MSRA: variants seen among roughly 807,000 people sequenced by gnomAD.
MSRA encodes mitochondrial peptide methionine sulfoxide reductase.
A neutral mutation model predicts 31.3 loss-of-function variants in MSRA; 54 were observed. That is an observed-to-expected ratio of 1.73 (90% CI 1.39 to 2.17). MSRA has a LOEUF of 2.17. Among genes scored for constraint, MSRA ranks in the 30% most tolerant of loss-of-function variants. The pLI, the probability that MSRA is intolerant of heterozygous loss-of-function variation, is 0.00. For missense variants in MSRA, 507 were observed against 300.9 expected (o/e 1.69, Z -5.07); for synonymous variants, 169 against 116.5 (o/e 1.45, Z -2.90).
At chr8:10,174,000 C>T (rs191613867) in intron 1 of MSRA, among the ~76,000 whole-genome samples, 2 of 152,184 alleles carry the variant, frequency 1.3e-5, no homozygotes, top group Non-Finnish European at 1.5e-5. Context: ...TAAGACAAGA[C>T]AAGATGTGAG....
At chr8:10,078,739 A>G (rs992705234) in intron 1 of MSRA, among the ~76,000 whole-genome samples, 2 of 152,244 alleles carry the variant, frequency 1.3e-5, no homozygotes. Context: ...CCATGGCTTC[A>G]GTCTTCAGCG....
At chr8:10,087,323 C>T (rs1798611441) in intron 1 of MSRA, among the ~76,000 whole-genome samples, 1 of 139,424 alleles carries the variant, frequency 7.2e-6, no homozygotes, top group Non-Finnish European at 1.5e-5. Flanking sequence ...ACAGCTCATG[C>T]ATGGCTTGTG....
chr8:10,171,757 T>G (rs1003901427), intron 1 of MSRA, among the ~76,000 whole-genome samples: 4 of 152,240 alleles, frequency 2.6e-5, no homozygotes, highest in African/African-American at 9.6e-5. Context: ...GCAGTTTGTT[T>G]AGGTGGTAGT....
At chr8:10,375,598 C>G (rs1805714311) in intron 5 of MSRA, among the ~76,000 whole-genome samples, 1 of 152,164 alleles carries the variant, frequency 6.6e-6, no homozygotes, top group Non-Finnish European at 1.5e-5. Flanking sequence ...GAGGGAGATG[C>G]TCGCTAAGCA....
At chr8:10,324,429 T>C (rs754422542) in intron 5 of MSRA, among the ~76,000 whole-genome samples, 1 of 152,068 alleles carries the variant, frequency 6.6e-6, no homozygotes, top group Non-Finnish European at 1.5e-5. Flanking sequence ...GGGACGGCCA[T>C]GGAACATGGG....
chr8:10,351,245 CT>C (rs71203317), intron 5 of MSRA, among the ~76,000 whole-genome samples: 1,108 of 56,724 alleles, frequency 0.02, 5 homozygotes, highest in African/African-American at 0.048. Context: ...CTGAAGGAGA[CT>C]TTTTTTTTTT....
chr8:10,354,353 A>C (rs960241471), intron 5 of MSRA, among the ~76,000 whole-genome samples: 6 of 152,242 alleles, frequency 3.9e-5, no homozygotes, highest in African/African-American at 1.4e-4. Flanking sequence ...CACCCTGAAC[A>C]CACAAATGCG....
chr8:10,340,452 A>G (rs1803354438), intron 5 of MSRA, among the ~76,000 whole-genome samples: 1 of 152,214 alleles, frequency 6.6e-6, no homozygotes, highest in South Asian at 2.1e-4. Flanking sequence ...GGCTCACTGC[A>G]ACCTTCGCCT....
At chr8:10,318,130 C>T (rs1034982872) in intron 4 of MSRA, among the ~76,000 whole-genome samples, 5 of 152,216 alleles carry the variant, frequency 3.3e-5, no homozygotes, top group Admixed American at 6.5e-5. Context: ...TTTGCTGTAA[C>T]TTCTCATGCA....
At chr8:10,331,144 T>G (rs188135559) in intron 5 of MSRA, among the ~76,000 whole-genome samples, 107 of 152,350 alleles carry the variant, frequency 7.0e-4, no homozygotes, top group African/African-American at 2.5e-3. Context: ...AACCTTGATC[T>G]TGGACTTCTC....
At chr8:10,364,321 A>C (rs1237989931) in intron 5 of MSRA, among the ~76,000 whole-genome samples, 1 of 152,176 alleles carries the variant, frequency 6.6e-6, no homozygotes, top group Non-Finnish European at 1.5e-5. Context: ...TCATCAACAC[A>C]GGCTCCTGGG....
At chr8:10,172,173 C>T (rs1805650214) in intron 1 of MSRA, among the ~76,000 whole-genome samples, 1 of 152,122 alleles carries the variant, frequency 6.6e-6, no homozygotes, top group Non-Finnish European at 1.5e-5. Flanking sequence ...AAGGGAGTGA[C>T]GGACAAAGGC....
chr8:10,330,817 G>C (rs1802651573), intron 5 of MSRA, among the ~76,000 whole-genome samples: 2 of 152,192 alleles, frequency 1.3e-5, no homozygotes, highest in Admixed American at 1.3e-4. Context: ...AAGTGATACA[G>C]CATATAAAGA....
rs906256080 is a variant in MSRA at position 10,326,794 on chromosome 8, T to C, written c.543+6805T>C. Among the ~76,000 whole-genome samples the C allele has an allele frequency of 3.3e-5, 5 of 152,218 alleles. No homozygotes were observed. The East Asian group carries it at 7.7e-4, about 23-fold the overall frequency. ...ATTATTGTTTTTGGATTGTCAAATA[T>C]GGACAATTTATCTCCCAAGTGAGCC... On this transcript the variant is annotated intron_variant, in intron 5 of 5. Transcript: ENST00000317173.
chr8:10,303,198 GT>G (rs1217864673), intron 4 of MSRA, among the ~76,000 whole-genome samples: 1 of 152,228 alleles, frequency 6.6e-6, no homozygotes, highest in Non-Finnish European at 1.5e-5. Flanking sequence ...GTCCTTTAAT[GT>G]GGCCAACTGC....
chr8:10,283,836 T>C (rs7837825), intron 3 of MSRA, among the ~76,000 whole-genome samples: 8,746 of 52,438 alleles, frequency 0.17, 1,141 homozygotes, highest in Non-Finnish European at 0.19. Context: ...TATATATATA[T>C]ACACACACAC....
chr8:10,204,527 T>C (rs1376162242), intron 1 of MSRA, among the ~76,000 whole-genome samples: 1 of 152,242 alleles, frequency 6.6e-6, no homozygotes, highest in Non-Finnish European at 1.5e-5. Context: ...CAGTATTCAG[T>C]ATAGTCACAT....
chr8:10,277,353 A>G (rs1799376535), intron 3 of MSRA, among the ~76,000 whole-genome samples: 1 of 152,196 alleles, frequency 6.6e-6, no homozygotes, highest in Admixed American at 6.5e-5. Context: ...CCCTGGAGCT[A>G]CTCCACTTTC....
intron 1 of MSRA, among the ~76,000 whole-genome samples, chr8:10,100,359 C>T (rs1373289103): frequency 1.3e-5 from 2 of 152,102 alleles, no homozygotes; most frequent in Non-Finnish European, 2.9e-5. Context: ...GCTTTGCTGC[C>T]CAAGCCCTGT....
Sources: allele counts gnomAD v4.1 joint callset (sites outside exome capture counted in the v4.1 genomes callset), GRCh38; gene constraint gnomAD v4.1.1; transcripts MANE v1.5; gene names NCBI Gene and HGNC (gene_info 2026-07-23, HGNC 2026-07-21).